Variants in PTPRS observed in about 807,000 individuals in gnomAD.
The protein encoded by PTPRS is receptor-type tyrosine-protein phosphatase S.
PTPRS carries 63 observed loss-of-function variants against 215.3 expected under a neutral mutation model. That is an observed-to-expected ratio of 0.29 (90% CI 0.24 to 0.36). The LOEUF (loss-of-function observed/expected upper bound fraction) is 0.36, where lower values mean the gene tolerates loss of function less well. Ranked by LOEUF, PTPRS falls within the 10% of genes least tolerant of loss-of-function variation. PTPRS has a pLI of 1.00. For missense variants in PTPRS, 2,258 were observed against 2,825.8 expected (o/e 0.80, Z 4.56); for synonymous variants, 1,404 against 1,191.4 (o/e 1.18, Z -3.68).
chr19:5,214,237 TG>T, intron 30 of PTPRS, 123 bp downstream of exon 30: 1 of 1,373,182 alleles, frequency 7.3e-7, no homozygotes. Flanking sequence ...GTAGTCAGCC[TG>T]GGTAGACACG....
At chr19:5,229,785 G>A in intron 14 of PTPRS, 101 bp from the exon 15 acceptor site, 1 of 723,828 alleles carries the variant, frequency 1.4e-6, no homozygotes, top group Non-Finnish European at 1.9e-6. Context: ...ATGCCGAGTG[G>A]CTGCCGGTGA....
At chr19:5,326,632 G>A (rs1037292301) in intron 1 of PTPRS, among the ~76,000 whole-genome samples, 4 of 151,756 alleles carry the variant, frequency 2.6e-5, no homozygotes, top group Non-Finnish European at 5.9e-5. Context: ...GCTGCAGTGA[G>A]CTATGATCGT....
At position 5,211,671 on chromosome 19, in the gene PTPRS, T is replaced by C; in HGVS notation, c.5153A>G (p.Glu1718Gly). 1 of 1,614,130 alleles carries C rather than the reference T, an allele frequency of 6.2e-7. No individual in the cohort carries two copies. Among genetic ancestry groups the C allele is most frequent in the Non-Finnish European group, 8.5e-7 (1 of 1,180,020 alleles). Residue 1718 changes from glutamate (E) to glycine (G), a missense_variant, in exon 33 of 38, where the codon GAG (glutamate) becomes GGG (glycine). Around this residue, in one of 6 missense-constraint regions of PTPRS, gnomAD observed 927 missense variants for 1,125.9 expected, o/e 0.82. Transcript: ENST00000262963. ...KNRLVNIMPY[E>G]STRVCLQPIR... Reference sequence around the variant, plus strand: ...GGGTTGCAGACAGACCCGTGTGCTCTCATAGGGCATGATGTTCACCAGGCG... The same window carrying C: ...GGGTTGCAGACAGACCCGTGTGCTCCCATAGGGCATGATGTTCACCAGGCG...
rs1042640354 is a variant in PTPRS at position 5,244,603 on chromosome 19, G to A, written c.989-121C>T. 1.3e-5 allele frequency: 10 copies of A among 767,936 alleles called. No individual in the cohort carries two copies. The highest frequency in any genetic ancestry group is 7.0e-5 in the African/African-American group (4 of 57,208). 47.6% of individuals were successfully genotyped at this position (767,936 alleles called of 1,614,324 possible). A position where few individuals can be genotyped will look rare whatever the true frequency, so the allele number is the denominator to read the frequency against. On this transcript the variant is annotated intron_variant, in intron 10 of 37. Coordinates refer to ENST00000262963, the MANE Select transcript of PTPRS (RefSeq NM_002850.4). This position sits in a 1 kb window ranked among gnomAD's most constrained non-coding sequence, Gnocchi z 7.2. ...CCTTGATTTGCCCAGCAGTAATCATGGGCCTCATGACTCCTGTCATCGTCT... is the reference window on the plus strand; with the variant it reads ...CCTTGATTTGCCCAGCAGTAATCATAGGCCTCATGACTCCTGTCATCGTCT...
chr19:5,266,681 C>A (rs2046424258), intron 4 of PTPRS, among the ~76,000 whole-genome samples: 1 of 152,048 alleles, frequency 6.6e-6, no homozygotes, highest in Non-Finnish European at 1.5e-5. Context: ...TAAACATAAA[C>A]CACACTGCTC....
intron 9 of PTPRS, among the ~76,000 whole-genome samples, chr19:5,248,990 C>G (rs1353648550): frequency 6.6e-6 from 1 of 152,208 alleles, no homozygotes; most frequent in African/African-American, 2.4e-5. Flanking sequence ...GCTTCTCTAC[C>G]TTAAGGGAGT....
intron 1 of PTPRS, among the ~76,000 whole-genome samples, chr19:5,330,278 A>G (rs2050282730): frequency 6.6e-6 from 1 of 152,102 alleles, no homozygotes; most frequent in South Asian, 2.1e-4. Context: ...AGGGCTTGTC[A>G]TTCCCAGTTC....
chr19:5,218,219 C>T (rs2041660368), intron 25 of PTPRS, among the ~76,000 whole-genome samples: 1 of 151,290 alleles, frequency 6.6e-6, no homozygotes, highest in Non-Finnish European at 1.5e-5. Context: ...AAAAAAGCCT[C>T]ACTTGGTTGT....
At chr19:5,231,270 GGGGCCTGCGGGGGGTCCC>G in intron 14 of PTPRS, 22 bp downstream of exon 14, 1 of 1,557,930 alleles carries the variant, frequency 6.4e-7, no homozygotes, top group South Asian at 1.2e-5. Context: ...GGGCCGGGCT[GGGGCCTGCGGGGGGTCCC>G]GGGCCTGGGG....
At chr19:5,262,204 C>T (rs1436357531) in intron 6 of PTPRS, among the ~76,000 whole-genome samples, 3 of 151,970 alleles carry the variant, frequency 2.0e-5, no homozygotes, top group African/African-American at 7.3e-5. Context: ...GAATCGGGGA[C>T]GTGGAGGCTT....
At chr19:5,208,832 G>A (rs1274023843) in intron 35 of PTPRS, among the ~76,000 whole-genome samples, 1 of 151,842 alleles carries the variant, frequency 6.6e-6, no homozygotes, top group Non-Finnish European at 1.5e-5. Context: ...TCCATCCTTT[G>A]CCATCCCATA....
intron 37 of PTPRS, among the ~76,000 whole-genome samples, chr19:5,207,669 T>G (rs573024202): frequency 6.6e-6 from 1 of 152,328 alleles, no homozygotes; most frequent in Non-Finnish European, 1.5e-5. Flanking sequence ...ACAGACTTGC[T>G]GTGACTTGGG....
At chr19:5,319,627 C>T (rs896433730) in intron 1 of PTPRS, among the ~76,000 whole-genome samples, 2 of 151,856 alleles carry the variant, frequency 1.3e-5, no homozygotes, top group African/African-American at 2.4e-5. Context: ...CCCTACATGA[C>T]CTATTGCCTC....
intron 1 of PTPRS, among the ~76,000 whole-genome samples, chr19:5,286,570 G>A (rs973742674): frequency 3.9e-5 from 6 of 152,134 alleles, no homozygotes; most frequent in Admixed American, 1.3e-4. Context: ...AAGCTCCCTT[G>A]CCCTTTCTGC....
chr19:5,206,768 A>C lies in PTPRS; in HGVS notation c.*6T>G, dbSNP rs1427158961. 2.5e-6 allele frequency: 4 copies of C among 1,613,550 alleles called. No individual in the cohort carries two copies. The highest frequency in any genetic ancestry group is 3.4e-6 in the Non-Finnish European group (4 of 1,179,508). ...AGTGGTGTCGGGCCTGGGGGGAACCATGGCTTTAGGTTGCATAGTGGTCAA... is the reference window on the plus strand; with the variant it reads ...AGTGGTGTCGGGCCTGGGGGGAACCCTGGCTTTAGGTTGCATAGTGGTCAA... On this transcript the variant is annotated 3_prime_UTR_variant, in exon 38 of 38. Transcript: ENST00000262963.
chr19:5,269,083 G>A (rs1287157687), intron 4 of PTPRS, among the ~76,000 whole-genome samples: 2 of 152,102 alleles, frequency 1.3e-5, no homozygotes, highest in Non-Finnish European at 2.9e-5. Context: ...GGGTCTGTCG[G>A]CATCCCCCTG....
rs758410040 is a variant in PTPRS at position 5,223,276 on chromosome 19, G to A, written c.2516C>T (p.Ser839Leu). The A allele has an allele frequency of 3.7e-5, 55 of 1,468,942 alleles. No individual in the cohort carries two copies. The highest frequency in any genetic ancestry group is 4.4e-5 in the African/African-American group (3 of 68,720). The allele number at this position is 1,468,942 out of a possible 1,614,324, so 91.0% of individuals were successfully genotyped here. A position where few individuals can be genotyped will look rare whatever the true frequency, so the allele number is the denominator to read the frequency against. ...GCTGCCCTCGGGGGTCTGCTGCACC[G>A]ACAGGGTTGGGCGGCCCAGCACTGC... ...KGAVLGRPTL[S>L]VQQTPEGSLL... Residue 839 changes from serine to leucine, a missense_variant, in exon 18 of 38, where the codon TCG (serine) becomes TTG (leucine). This residue lies in a region of PTPRS where 361 missense variants were observed against 332.6 expected (regional missense o/e 1.09). Transcript: ENST00000262963.
rs573243040 is a variant in PTPRS, at chr19:5,215,236, C to T, written c.4318+53G>A. On this transcript the variant is annotated intron_variant, in intron 28 of 37. Transcript: ENST00000262963. The stretch of plus-strand genomic sequence containing the variant: ...GCCCAAGGGGAGACATGGGATCTAG[C>T]ACTTTCCATGCAGTGGGGAAGGGCA... The T allele has an allele frequency of 3.0e-5, 48 of 1,604,756 alleles. No homozygotes were observed. The African/African-American group carries it at 6.1e-4, about 21-fold the overall frequency.
At position 5,231,392 on chromosome 19, in the gene PTPRS, C is replaced by T; in HGVS notation, c.2073G>A (p.Gln691=). 6.2e-7 allele frequency: 1 copy of T among 1,613,190 alleles called. No homozygotes were observed. The highest frequency in any genetic ancestry group is 8.5e-7 in the Non-Finnish European group (1 of 1,179,934). ...ILLEALEKWT[Q]YRITTVAHTE... ...TGTGAGCGACAGTCGTGATGCGGTA[C>T]TGGGTCCACTTCTCCAAGGCCTCCA... The change falls in exon 14 of 38, where the codon CAG becomes CAA. Residue 691 remains glutamine, a synonymous_variant. Coordinates refer to ENST00000262963, the MANE Select transcript of PTPRS (RefSeq NM_002850.4).
Sources: gnomAD v4.1 joint callset for allele counts (sites outside exome capture counted in the v4.1 genomes callset) on GRCh38, gnomAD v4.1.1 for gene constraint, gnomAD v4.1.1 regional missense constraint, Gnocchi (gnomAD v3.1) non-coding constraint, MANE v1.5 for transcripts, NCBI Gene and HGNC (gene_info 2026-07-23, HGNC 2026-07-21) for gene names.